The following BECN1 variants were observed in gnomAD, a reference collection of about 807,000 sequenced individuals.
BECN1 encodes the protein beclin-1.
BECN1 carries 15 observed loss-of-function variants against 60.1 expected under a neutral mutation model. That is an observed-to-expected ratio of 0.25 (90% CI 0.17 to 0.38). The LOEUF is 0.38. Ranked by LOEUF, BECN1 falls within the 10% of genes least tolerant of loss-of-function variation. The pLI is 1.00. For missense variants in BECN1, 424 were observed against 548.2 expected (o/e 0.77, Z 2.26); for synonymous variants, 179 against 201.8 (o/e 0.89, Z 0.96).
At chr17:42,822,561 G>A (rs2055290193) in intron 2 of BECN1, among the ~76,000 whole-genome samples, 1 of 151,948 alleles carries the variant, frequency 6.6e-6, no homozygotes. Flanking sequence ...CGGGATTTTG[G>A]GGTTTTTTAT....
intron 1 of BECN1, 55 bp from the exon 2 acceptor site, chr17:42,823,934 G>A (rs757056784): frequency 1.2e-5 from 19 of 1,588,142 alleles, no homozygotes; most frequent in African/African-American, 2.7e-5. Context: ...TTGACCTCCG[G>A]CCCGGGGTTA....
chr17:42,823,625 G>C, intron 2 of BECN1, 123 bp downstream of exon 2: 1 of 1,350,342 alleles, frequency 7.4e-7, no homozygotes, highest in Non-Finnish European at 1.0e-6. Context: ...GCCAGATGAA[G>C]TGACTTTCCT....
chr17:42,822,082 A>G (rs896014447), intron 2 of BECN1, among the ~76,000 whole-genome samples: 1 of 152,192 alleles, frequency 6.6e-6, no homozygotes, highest in East Asian at 1.9e-4. Flanking sequence ...GTGTGCCTGC[A>G]GTCCCAGCTA....
At chr17:42,820,120 C>T (rs1002675834) in intron 3 of BECN1, among the ~76,000 whole-genome samples, 3 of 152,166 alleles carry the variant, frequency 2.0e-5, no homozygotes, top group African/African-American at 7.2e-5. Context: ...GGACTCTTCA[C>T]TGCCTGCAGG....
chr17:42,819,399 C>G, intron 4 of BECN1, 149 bp downstream of exon 4: 1 of 748,874 alleles, frequency 1.3e-6, no homozygotes, highest in South Asian at 2.1e-5. Flanking sequence ...GGTGACGGGC[C>G]AGGTATAAGG....
chr17:42,814,600 C>T lies in BECN1; in HGVS notation c.904G>A (p.Glu302Lys), dbSNP rs778217364. 6.2e-7 allele frequency: 1 copy of T among 1,614,224 alleles called. No individual in the cohort carries two copies. Among genetic ancestry groups the T allele is most frequent in the Non-Finnish European group, 8.5e-7 (1 of 1,180,044 alleles). Residue 302 changes from glutamate (E) to lysine (K), a missense_variant, in exon 9 of 12, where the codon GAG (glutamate) becomes AAG (lysine). Glu to Lys is a moderately conservative substitution (Grantham distance 56, BLOSUM62 1). This residue lies in a region of BECN1 where 326 missense variants were observed against 406.2 expected (regional missense o/e 0.80). Coordinates refer to ENST00000590099, the MANE Select transcript of BECN1 (RefSeq NM_001313998.2). Reference protein sequence around the residue: ...RLPSVPVEWNEINAAWGQTVL... With the variant: ...RLPSVPVEWNKINAAWGQTVL... ...GTCTGGCCCCAAGCAGCATTAATCTCATTCCATTCCACGGGAACACTGGGC... is the reference window on the plus strand; with the variant it reads ...GTCTGGCCCCAAGCAGCATTAATCTTATTCCATTCCACGGGAACACTGGGC...
chr17:42,816,351 G>C (rs2055145710), intron 7 of BECN1, among the ~76,000 whole-genome samples: 1 of 152,174 alleles, frequency 6.6e-6, no homozygotes, highest in South Asian at 2.1e-4. Context: ...AGGTGAATGG[G>C]TTAGGAGTGG....
At chr17:42,813,126 G>T (rs111611270) in intron 10 of BECN1, among the ~76,000 whole-genome samples, 1 of 151,334 alleles carries the variant, frequency 6.6e-6, no homozygotes, top group African/African-American at 2.4e-5. Context: ...TTACAGGCGT[G>T]AGCCACTGCA....
At chr17:42,820,180 C>A (rs2055232979) in intron 3 of BECN1, among the ~76,000 whole-genome samples, 1 of 152,168 alleles carries the variant, frequency 6.6e-6, no homozygotes, top group African/African-American at 2.4e-5. Flanking sequence ...ATCAGCACTC[C>A]CCCAGTGACT....
intron 2 of BECN1, among the ~76,000 whole-genome samples, chr17:42,821,152 CG>C (rs1382537690): frequency 2.0e-5 from 3 of 152,212 alleles, no homozygotes; most frequent in African/African-American, 7.2e-5. Flanking sequence ...CTCTGCCTCC[CG>C]GGTTCGAGTG....
At chr17:42,824,058 GT>G in intron 1 of BECN1, 96 bp downstream of exon 1, 1 of 743,438 alleles carries the variant, frequency 1.3e-6, no homozygotes, top group Non-Finnish European at 2.1e-6. Context: ...AGCAAAGGCA[GT>G]TTAGAGCCCA....
intron 7 of BECN1, among the ~76,000 whole-genome samples, 154 bp downstream of exon 7, chr17:42,818,067 A>G (rs1277781020): frequency 6.6e-6 from 1 of 152,178 alleles, no homozygotes; most frequent in Non-Finnish European, 1.5e-5. Flanking sequence ...AAACCTCTAG[A>G]AAAAGGGCAT....
chr17:42,812,908 T>C (rs28830230), intron 10 of BECN1: 1 of 142,678 alleles, frequency 7.0e-6, no homozygotes, highest in Non-Finnish European at 1.5e-5. Flanking sequence ...AATCTCGGCT[T>C]ACTGTAAGCT....
At chr17:42,817,951 T>C (rs1235694130) in intron 7 of BECN1, among the ~76,000 whole-genome samples, 3 of 152,178 alleles carry the variant, frequency 2.0e-5, no homozygotes, top group African/African-American at 7.2e-5. Flanking sequence ...AATGAGCCCA[T>C]TCCCTACAGG....
chr17:42,814,178 TG>T, intron 9 of BECN1, 170 bp from the exon 10 acceptor site: 1 of 555,372 alleles, frequency 1.8e-6, no homozygotes, highest in Non-Finnish European at 3.1e-6. Flanking sequence ...TTTTGTTTAA[TG>T]AACAAACTAC....
chr17:42,814,729 A>C, intron 8 of BECN1, 56 bp from the exon 9 acceptor site: 1 of 1,601,698 alleles, frequency 6.2e-7, no homozygotes, highest in Non-Finnish European at 8.5e-7. Flanking sequence ...AAAAAGTTTG[A>C]CATTTCCCAC....
At chr17:42,819,017 C>A (rs2055206052) in intron 4 of BECN1, 140 bp from the exon 5 acceptor site, 1 of 813,076 alleles carries the variant, frequency 1.2e-6, no homozygotes, top group Admixed American at 2.8e-5. Context: ...CGACTGACCT[C>A]CCAAGGGTAC....
At position 42,815,904 on chromosome 17, in the gene BECN1, T is replaced by C; in HGVS notation, c.830+4A>G. The C allele has an allele frequency of 6.2e-7, 1 of 1,614,184 alleles. No homozygotes were observed. Among genetic ancestry groups the C allele is most frequent in the African/African-American group, 1.3e-5 (1 of 75,046 alleles). Reference sequence around the variant, plus strand: ...AGTGCTCCTCATCCCCTAGCTCTCATTACCAGATGTGGAAGGTTGCATTAA... The same window carrying C: ...AGTGCTCCTCATCCCCTAGCTCTCACTACCAGATGTGGAAGGTTGCATTAA... On this transcript the variant is annotated splice_donor_region_variant and intron_variant, in intron 8 of 11. Coordinates refer to ENST00000590099, the MANE Select transcript of BECN1 (RefSeq NM_001313998.2).
intron 7 of BECN1, among the ~76,000 whole-genome samples, chr17:42,816,762 G>C (rs1408743752): frequency 6.6e-6 from 1 of 150,490 alleles, no homozygotes; most frequent in African/African-American, 2.5e-5. Context: ...CCTGAGGTCA[G>C]GAGTTAGATG....
Sources: gnomAD v4.1 joint callset for allele counts (sites outside exome capture counted in the v4.1 genomes callset) on GRCh38, gnomAD v4.1.1 for gene constraint, gnomAD v4.1.1 regional missense constraint, MANE v1.5 for transcripts, NCBI Gene and HGNC (gene_info 2026-07-23, HGNC 2026-07-21) for gene names.